Variants in CLRN1 observed in about 807,000 individuals in gnomAD.
The protein encoded by CLRN1 is clarin-1.
A neutral mutation model predicts 18.7 loss-of-function variants in CLRN1; 15 were observed. The observed-to-expected ratio is 0.80, with a 90% CI of 0.54 to 1.23. The LOEUF is 1.23. Ranked by LOEUF, CLRN1 falls within the 50% of genes most tolerant of loss-of-function variation. The pLI, the probability that CLRN1 is intolerant of heterozygous loss-of-function variation, is 0.00. For missense variants in CLRN1, 311 were observed against 277.5 expected (o/e 1.12, Z -0.86); for synonymous variants, 104 against 102.9 (o/e 1.01, Z -0.07).
chr3:150,957,548 T>C (rs1479210623), intron 1 of CLRN1, among the ~76,000 whole-genome samples: 2 of 152,196 alleles, frequency 1.3e-5, no homozygotes, highest in Non-Finnish European at 2.9e-5. Context: ...TTGGTGAAGG[T>C]CTATCCTCTA....
At position 150,926,856 on chromosome 3, in the gene CLRN1, C is replaced by T; in HGVS notation, c.*1080G>A. 1.2e-6 allele frequency: 2 copies of T among 1,614,028 alleles called. No homozygotes were observed. The highest frequency in any genetic ancestry group is 1.7e-6 in the Non-Finnish European group (2 of 1,180,002). On this transcript the variant is annotated 3_prime_UTR_variant, in exon 3 of 3. Transcript: ENST00000327047. ...AAGGAAGGGTCAGTTCCAGGCTCAG[C>T]TGTGGCCTTTAGTCAGCTGCAGATC...
At chr3:150,967,387 A>C (rs1047534428) in intron 1 of CLRN1, among the ~76,000 whole-genome samples, 1 of 151,986 alleles carries the variant, frequency 6.6e-6, no homozygotes, top group African/African-American at 2.4e-5. Context: ...CTATTCCATT[A>C]ATTGCTTTTT....
downstream of CLRN1, chr3:150,926,179 T>C (rs1417537998): frequency 6.4e-6 from 1 of 157,326 alleles, no homozygotes; most frequent in Admixed American, 6.1e-5. Flanking sequence ...GTTTGCCTCT[T>C]AGTTCCTCAT....
At chr3:150,966,765 A>G (rs1266640223) in intron 1 of CLRN1, among the ~76,000 whole-genome samples, 2 of 152,198 alleles carry the variant, frequency 1.3e-5, no homozygotes, top group Admixed American at 1.3e-4. Context: ...TTTAAAAATC[A>G]TGAGTTTTGA....
intron 1 of CLRN1, among the ~76,000 whole-genome samples, chr3:150,971,811 T>C (rs1190197910): frequency 6.6e-6 from 1 of 152,182 alleles, no homozygotes; most frequent in Non-Finnish European, 1.5e-5. Context: ...TTCACAAAAA[T>C]CACAACAAGA....
chr3:150,945,385 C>T, intron 1 of CLRN1: 2 of 503,828 alleles, frequency 4.0e-6, no homozygotes, highest in South Asian at 6.8e-5. Context: ...AGTAAGTAGT[C>T]ATCTGTACAA....
At chr3:150,942,971 C>A (rs945182369) in intron 1 of CLRN1, among the ~76,000 whole-genome samples, 3 of 152,134 alleles carry the variant, frequency 2.0e-5, no homozygotes, top group Non-Finnish European at 2.9e-5. Flanking sequence ...TGGAGGAGCA[C>A]TGAGGCACCA....
At chr3:150,930,619 T>C (rs1010720920) in intron 2 of CLRN1, among the ~76,000 whole-genome samples, 23 of 152,174 alleles carry the variant, frequency 1.5e-4, no homozygotes, top group Non-Finnish European at 2.9e-4. Flanking sequence ...TGTTAGATCC[T>C]AACAAAAAGG....
chr3:150,945,429 G>A, intron 1 of CLRN1: 1 of 1,085,128 alleles, frequency 9.2e-7, no homozygotes, highest in African/African-American at 1.6e-5. Context: ...CTCTACTCCT[G>A]ACCACATGCT....
At chr3:150,958,001 T>G (rs564063738) in intron 1 of CLRN1, among the ~76,000 whole-genome samples, 1 of 152,148 alleles carries the variant, frequency 6.6e-6, no homozygotes, top group Admixed American at 6.5e-5. Flanking sequence ...CTGGGAAATC[T>G]CATCTTCAGT....
At chr3:150,946,981 G>A (rs1236734577) in intron 1 of CLRN1, among the ~76,000 whole-genome samples, 1 of 144,502 alleles carries the variant, frequency 6.9e-6, no homozygotes, top group Non-Finnish European at 1.5e-5. Flanking sequence ...CCATTTCTAA[G>A]AAGACGATTT....
rs373144676 is a variant in CLRN1 at position 150,941,138 on chromosome 3, G to GTCTGTCTATCTATCTA, written c.433+443_433+444insTAGATAGATAGACAGA. ...TGGAGTCTGTATTGTCTGTCTGTCT[G>GTCTGTCTATCTATCTA]TCTATCTATCTATCTATCTATCTAT... On this transcript the variant is annotated intron_variant, in intron 2 of 2. Coordinates refer to ENST00000327047, the MANE Select transcript of CLRN1 (RefSeq NM_174878.3). Among the ~76,000 whole-genome samples the GTCTGTCTATCTATCTA allele has an allele frequency of 5.5e-3, 772 of 141,526 alleles. 3 individuals carry two copies. The highest frequency in any genetic ancestry group is 6.8e-3 in the Non-Finnish European group (445 of 65,884). The allele number at this position is 141,526 out of a possible 152,430, so 92.8% of individuals were successfully genotyped here. A position where few individuals can be genotyped will look rare whatever the true frequency, so the allele number is the denominator to read the frequency against.
At chr3:150,934,670 T>G (rs1869874) in intron 2 of CLRN1, among the ~76,000 whole-genome samples, 38,446 of 151,950 alleles carry the variant, frequency 0.25, 5,063 homozygotes, top group South Asian at 0.4. Context: ...TCCCATCAAC[T>G]GGGAAACACC....
At chr3:150,945,661 T>A (rs1274432364) in intron 1 of CLRN1, 11 of 1,279,522 alleles carry the variant, frequency 8.6e-6, no homozygotes, top group Non-Finnish European at 1.1e-5. Context: ...GATGTTTAGT[T>A]GTACTACATT....
intron 1 of CLRN1, among the ~76,000 whole-genome samples, chr3:150,965,350 C>T (rs1715214546): frequency 6.6e-6 from 1 of 152,066 alleles, no homozygotes; most frequent in Admixed American, 6.5e-5. Flanking sequence ...ATGAGGCACC[C>T]AATAAGTGGG....
intron 1 of CLRN1, among the ~76,000 whole-genome samples, chr3:150,959,817 A>G (rs1411141063): frequency 1.3e-5 from 2 of 152,088 alleles, no homozygotes; most frequent in African/African-American, 2.4e-5. Context: ...GTTTTCTATT[A>G]TATTTTATTC....
chr3:150,933,166 A>G (rs191002290), intron 2 of CLRN1, among the ~76,000 whole-genome samples: 1 of 152,260 alleles, frequency 6.6e-6, no homozygotes, highest in East Asian at 1.9e-4. Context: ...CACTTATTCA[A>G]CAACTATTTA....
intron 1 of CLRN1, among the ~76,000 whole-genome samples, chr3:150,958,441 G>A (rs988886931): frequency 1.3e-5 from 2 of 152,076 alleles, no homozygotes; most frequent in African/African-American, 4.8e-5. Flanking sequence ...TTCCTTAAAA[G>A]GCTTCATGTT....
intron 1 of CLRN1, among the ~76,000 whole-genome samples, chr3:150,959,448 G>A (rs945742463): frequency 6.6e-6 from 1 of 152,072 alleles, no homozygotes; most frequent in Non-Finnish European, 1.5e-5. Context: ...GGCCAACATG[G>A]TGAAACCCCG....
Sources: allele counts gnomAD v4.1 joint callset (sites outside exome capture counted in the v4.1 genomes callset), GRCh38; gene constraint gnomAD v4.1.1; transcripts MANE v1.5; gene names NCBI Gene and HGNC (gene_info 2026-07-23, HGNC 2026-07-21).